The following RBM4 variants were observed in gnomAD, a reference collection of about 807,000 sequenced individuals.
RBM4 encodes RNA-binding protein 4.
RBM4 carries 7 observed loss-of-function variants against 29.5 expected under a neutral mutation model. That is an observed-to-expected ratio of 0.24 (90% confidence interval 0.14 to 0.45). The LOEUF is 0.45. Among genes scored for constraint, RBM4 ranks in the 20% least tolerant of loss-of-function variants. The pLI, the probability that RBM4 is intolerant of heterozygous loss-of-function variation, is 1.00. For missense variants in RBM4, 387 were observed against 502.3 expected (o/e 0.77, Z 2.19); for synonymous variants, 220 against 205.4 (o/e 1.07, Z -0.61).
downstream of RBM4, among the ~76,000 whole-genome samples, chr11:66,648,099 A>G (rs1938745031): frequency 6.6e-6 from 1 of 152,098 alleles, no homozygotes; most frequent in Admixed American, 6.6e-5. Context: ...CCGGCTACTC[A>G]GGAGGCTGAG....
chr11:66,649,720 G>C (rs1219949700), downstream of RBM4: 1 of 701,290 alleles, frequency 1.4e-6, no homozygotes, highest in Non-Finnish European at 2.6e-6. Context: ...ACTTTTTCTT[G>C]CTTTTTGTTT....
chr11:66,646,549 T>G, downstream of RBM4: 1 of 986,918 alleles, frequency 1.0e-6, no homozygotes, highest in Non-Finnish European at 1.2e-6. Flanking sequence ...GTATAAAGTT[T>G]TAAGACACTC....
At position 66,653,897 on chromosome 11, in the gene RBM4, A is replaced by G. The variant is rs150559171; in HGVS notation, c.413-11959A>G. On this transcript the variant is annotated intron_variant, in intron 2 of 2. Transcript: ENST00000396053. Reference sequence around the variant, plus strand: ...ACTTTGAATATATGCCTCAATTAAAAAGGCAAAAAATAAGCAGGGCACAAT... The same window carrying G: ...ACTTTGAATATATGCCTCAATTAAAGAGGCAAAAAATAAGCAGGGCACAAT... 4.1e-3 allele frequency among the ~76,000 whole-genome samples: 630 copies of G among 151,950 alleles called. 4 individuals carry two copies. The highest frequency in any genetic ancestry group is 0.014 in the African/African-American group (596 of 41,432).
intron 1 of RBM4, 103 bp from the exon 2 acceptor site, chr11:66,639,597 G>A: frequency 2.8e-6 from 4 of 1,412,562 alleles, no homozygotes; most frequent in Non-Finnish European, 2.9e-6. Context: ...GCAGGCGTGT[G>A]AGAGAGAAAA....
intron 2 of RBM4, among the ~76,000 whole-genome samples, chr11:66,658,791 G>A (rs1274232877): frequency 6.6e-6 from 1 of 151,902 alleles, no homozygotes; most frequent in Non-Finnish European, 1.5e-5. Context: ...ACAAAACTTA[G>A]CCAGGCGTGG....
At chr11:66,653,434 T>C (rs1938875783) in intron 2 of RBM4, among the ~76,000 whole-genome samples, 1 of 150,616 alleles carries the variant, frequency 6.6e-6, no homozygotes, top group Non-Finnish European at 1.5e-5. Flanking sequence ...CGATCTCGGC[T>C]CACTGCAACC....
chr11:66,643,351 ATTGTCTAGAT>A lies in RBM4; in HGVS notation c.413-98_413-89del. ...TCCTAAAGATGAGTCCTGCATTAGAATTGTCTAGATAAAGCCATTGCTATGACCAGTGTCT... is the reference window on the plus strand; with the variant it reads ...TCCTAAAGATGAGTCCTGCATTAGAAAAAGCCATTGCTATGACCAGTGTCT... On this transcript the variant is annotated intron_variant, in intron 2 of 3. Transcript: ENST00000310092. This position sits in a 1 kb window ranked among gnomAD's most constrained non-coding sequence, Gnocchi z 6.1. 2.1e-6 allele frequency: 3 copies of A among 1,441,526 alleles called. No individual in the cohort carries two copies. Among genetic ancestry groups the A allele is most frequent in the Non-Finnish European group, 2.8e-6 (3 of 1,074,068 alleles). The allele number at this position is 1,441,526 out of a possible 1,614,324, so 89.3% of individuals were successfully genotyped here.
At position 66,642,856 on chromosome 11, in the gene RBM4, CTTCAACTTG is replaced by C. The variant is rs573396553; in HGVS notation, c.413-591_413-583del. 2.0e-4 allele frequency among the ~76,000 whole-genome samples: 31 copies of C among 152,288 alleles called. No homozygotes were observed. In the East Asian group the frequency reaches 5.2e-3, roughly 26 times the overall value. ...GGCCCAGTTAAGGGAGAAGTCTGTC[CTTCAACTTG>C]TTGTGCCCCTCTGTCTCCCCAGTTC... On this transcript the variant is annotated intron_variant, in intron 2 of 3. Coordinates refer to ENST00000310092, the MANE Select transcript of RBM4 (RefSeq NM_002896.4).
exon 3 of RBM4, chr11:66,665,955 G>A: frequency 1.3e-6 from 2 of 1,531,674 alleles, no homozygotes; most frequent in African/African-American, 1.4e-5. Flanking sequence ...AGGAAAAGCA[G>A]AAGATGCTGA....
exon 3 of RBM4, chr11:66,666,539 T>A: frequency 1.5e-6 from 1 of 656,864 alleles, no homozygotes; most frequent in Middle Eastern, 7.8e-4. Flanking sequence ...AAGAGGTTAG[T>A]TGAACAACCA....
exon 3 of RBM4, chr11:66,666,446 T>G: frequency 1.0e-6 from 1 of 987,762 alleles, no homozygotes; most frequent in Non-Finnish European, 1.2e-6. Flanking sequence ...ATCAGGCTCC[T>G]GGGACTGCAA....
intron 2 of RBM4, among the ~76,000 whole-genome samples, chr11:66,657,026 C>A (rs555709417): frequency 6.7e-6 from 1 of 148,546 alleles, no homozygotes; most frequent in Non-Finnish European, 1.5e-5. Flanking sequence ...TTGTTGCAAT[C>A]AAAATACAGA....
intron 2 of RBM4, chr11:66,665,393 C>T (rs1396623485): frequency 6.3e-5 from 40 of 630,368 alleles, no homozygotes; most frequent in African/African-American, 1.8e-5. Context: ...TGAAAGGCTA[C>T]AGAGACTAGT....
intron 1 of RBM4, chr11:66,639,428 C>T: frequency 2.1e-6 from 1 of 470,270 alleles, no homozygotes. Context: ...GTCTTTCATG[C>T]CCATTTCTGT....
intron 3 of RBM4, chr11:66,644,587 C>CT (rs1938609389): frequency 1.5e-6 from 1 of 678,790 alleles, no homozygotes; most frequent in African/African-American, 2.0e-5. Context: ...GATATGACCC[C>CT]TGATGATAAA....
Position 66,643,792 on chromosome 11 carries a change from T to A in RBM4, c.755T>A (p.Leu252Gln). 6.2e-7 allele frequency: 1 copy of A among 1,613,966 alleles called. No individual in the cohort carries two copies. Among genetic ancestry groups the A allele is most frequent in the Non-Finnish European group, 8.5e-7 (1 of 1,179,992 alleles). ...YNYAEQTLSQLPQVQNTAMAS... is the reference protein window; with the variant it reads ...YNYAEQTLSQQPQVQNTAMAS... Reference sequence around the variant, plus strand: ...TACGCAGAGCAGACCCTGTCCCAGCTGCCACAAGTCCAGAATACAGCCATG... The same window carrying A: ...TACGCAGAGCAGACCCTGTCCCAGCAGCCACAAGTCCAGAATACAGCCATG... The change falls in exon 3 of 4, where the codon CTG becomes CAG. Residue 252 changes from leucine to glutamine, a missense_variant. Physicochemically the swap from Leu to Gln is moderately radical, Grantham distance 113 (BLOSUM62 -2). Coordinates refer to ENST00000310092, the MANE Select transcript of RBM4 (RefSeq NM_002896.4). The surrounding 1 kb of genome is among the most constrained non-coding windows in gnomAD (Gnocchi z 6.1).
downstream of RBM4, among the ~76,000 whole-genome samples, chr11:66,647,922 C>T (rs146945578): frequency 1.4e-4 from 21 of 152,120 alleles, no homozygotes; most frequent in Non-Finnish European, 2.5e-4. Flanking sequence ...ATTTTAACTC[C>T]GGCCAGTCAT....
intron 2 of RBM4, among the ~76,000 whole-genome samples, chr11:66,641,750 A>G (rs970631083): frequency 3.4e-4 from 52 of 152,224 alleles, no homozygotes; most frequent in African/African-American, 1.2e-3. Context: ...TCATTTCTTA[A>G]TACTGTTCTG....
At chr11:66,659,697 T>A (rs2052253298) in intron 2 of RBM4, among the ~76,000 whole-genome samples, 1 of 152,190 alleles carries the variant, frequency 6.6e-6, no homozygotes, top group Admixed American at 6.5e-5. Context: ...GCCAGATTGC[T>A]GGTAGTCATT....
Sources: allele counts gnomAD v4.1 joint callset (sites outside exome capture counted in the v4.1 genomes callset), GRCh38; gene constraint gnomAD v4.1.1; non-coding constraint Gnocchi (gnomAD v3.1); transcripts MANE v1.5; gene names NCBI Gene and HGNC (gene_info 2026-07-23, HGNC 2026-07-21).